Variants in SLC25A25 observed in about 807,000 individuals in gnomAD.
SLC25A25 encodes solute carrier family 25 member 25.
Under a neutral mutation model 57.7 loss-of-function variants are expected in SLC25A25, and 32 were observed. The observed-to-expected ratio is 0.55, with a 90% CI of 0.42 to 0.74. SLC25A25 has a LOEUF of 0.74. SLC25A25 is among the 30% of genes least tolerant of loss of function. The probability of loss-of-function intolerance (pLI) is 0.00; values close to 1 mark genes in which losing one functional copy is unlikely to be tolerated. For missense variants in SLC25A25, 556 were observed against 701.3 expected, an observed-to-expected ratio of 0.79 and a Z score of 2.34; for synonymous variants, 306 against 291.2, an observed-to-expected ratio of 1.05 and a Z score of -0.52.
At chr9:128,105,672 G>A (rs1833995267) in intron 6 of SLC25A25, 57 bp from the exon 7 acceptor site, 15 of 1,610,734 alleles carry the variant, frequency 9.3e-6, no homozygotes, top group African/African-American at 2.7e-5. Flanking sequence ...GCTCTTGGCC[G>A]GGTGAGGCAG....
chr9:128,106,316 G>C (rs1834032636), intron 8 of SLC25A25, 37 bp from the exon 9 acceptor site: 1 of 1,613,934 alleles, frequency 6.2e-7, no homozygotes, highest in Non-Finnish European at 8.5e-7. Context: ...GAGAGGCACA[G>C]GCTGTGCTCA....
chr9:128,074,799 G>A (rs1832975768), intron 1 of SLC25A25, among the ~76,000 whole-genome samples: 1 of 152,076 alleles, frequency 6.6e-6, no homozygotes, highest in Non-Finnish European at 1.5e-5. Context: ...CTAGGAGTTC[G>A]AGACAAGCCT....
intron 1 of SLC25A25, among the ~76,000 whole-genome samples, chr9:128,079,860 G>A (rs1188725287): frequency 6.6e-6 from 1 of 152,070 alleles, no homozygotes; most frequent in East Asian, 1.9e-4. Context: ...GTATGGTGGT[G>A]CACGCCTGTA....
intron 1 of SLC25A25, chr9:128,091,584 C>T (rs1356537881): frequency 1.3e-5 from 14 of 1,092,230 alleles, no homozygotes; most frequent in Admixed American, 1.0e-4. Flanking sequence ...AACGTTTGCT[C>T]ACCATCACCT....
intron 1 of SLC25A25, chr9:128,091,972 C>T: frequency 6.2e-7 from 1 of 1,613,910 alleles, no homozygotes; most frequent in Non-Finnish European, 8.5e-7. Flanking sequence ...GCACCCCAGC[C>T]CCTGCCTGGA....
intron 1 of SLC25A25, among the ~76,000 whole-genome samples, chr9:128,070,329 A>C (rs1832877549): frequency 6.7e-6 from 1 of 148,224 alleles, no homozygotes; most frequent in African/African-American, 2.5e-5. Flanking sequence ...TGATCTCCTG[A>C]CCTTGTGATC....
intron 1 of SLC25A25, chr9:128,091,887 G>A: frequency 6.2e-7 from 1 of 1,610,942 alleles, no homozygotes; most frequent in Non-Finnish European, 8.5e-7. Context: ...CAGATGCTGT[G>A]GCATTTCCTA....
At chr9:128,098,627 T>C (rs745836152) in intron 1 of SLC25A25, 14 of 1,613,954 alleles carry the variant, frequency 8.7e-6, no homozygotes, top group Middle Eastern at 1.6e-4. Flanking sequence ...GTTCCAGTAC[T>C]TTGAGTCGAA....
intron 1 of SLC25A25, among the ~76,000 whole-genome samples, chr9:128,078,641 G>A (rs1271989137): frequency 3.9e-5 from 6 of 152,186 alleles, no homozygotes; most frequent in Non-Finnish European, 7.3e-5. Context: ...AGAAGCCGTG[G>A]ATCGTCTTTC....
rs1488310743 is a variant in SLC25A25, at chr9:128,103,560, T to C, written c.625-121T>C. On this transcript the variant is annotated intron_variant, in intron 5 of 10. Transcript: ENST00000373069. The surrounding 1 kb of genome is among the most constrained non-coding windows in gnomAD (Gnocchi z 6.7). Reference sequence around the variant, plus strand: ...CCAGCCCGCTTCCCACCCAGAGTCCTTGGCCTTCTCCCTGTCCTGTGGTCC... The same window carrying C: ...CCAGCCCGCTTCCCACCCAGAGTCCCTGGCCTTCTCCCTGTCCTGTGGTCC... 2 of 1,257,256 alleles carry C rather than the reference T, an allele frequency of 1.6e-6. No individual in the cohort carries two copies. Among genetic ancestry groups the C allele is most frequent in the Non-Finnish European group, 1.1e-6 (1 of 883,510 alleles). 77.9% of individuals were successfully genotyped at this position (1,257,256 alleles called of 1,614,324 possible). A position where few individuals can be genotyped will look rare whatever the true frequency, so the allele number is the denominator to read the frequency against.
intron 8 of SLC25A25, 44 bp downstream of exon 8, chr9:128,106,301 C>T: frequency 6.2e-7 from 1 of 1,614,028 alleles, no homozygotes; most frequent in Non-Finnish European, 8.5e-7. Flanking sequence ...GGGCACAGGA[C>T]TGGGGAGAGG....
Position 128,089,858 on chromosome 9 carries a change from C to T in SLC25A25, c.262-11238C>T, listed in dbSNP as rs376098402. Among the ~76,000 whole-genome samples the T allele has an allele frequency of 1.7e-4, 26 of 152,136 alleles. 2 individuals are homozygous for T. Among genetic ancestry groups the T allele is most frequent in the African/African-American group, 5.8e-4 (24 of 41,490 alleles). On this transcript the variant is annotated intron_variant, in intron 1 of 10. Coordinates refer to ENST00000373069, the MANE Select transcript of SLC25A25 (RefSeq NM_001330988.2). ...CCACATTGTCCAGGCTGGTCTCAGA[C>T]TCGTCGGCTCAGGCAGTTGGCCCAC... is the stretch of plus-strand genomic sequence containing the variant.
chr9:128,091,772 C>T (rs1833412732), intron 1 of SLC25A25: 2 of 1,494,862 alleles, frequency 1.3e-6, no homozygotes, highest in Non-Finnish European at 1.8e-6. Flanking sequence ...AACCCCAGGC[C>T]CGTCCTCCCA....
Position 128,083,676 on chromosome 9 carries a change from A to ATTTTTT in SLC25A25, c.261+15106_261+15111dup, listed in dbSNP as rs11367855. ...AGGCACCCAACACCACGCCCAGCGA[A>ATTTTTT]TTTTTTTTTTTTTTTGTATTTTTAG... On this transcript the variant is annotated intron_variant, in intron 1 of 10. Coordinates refer to ENST00000373069, the MANE Select transcript of SLC25A25 (RefSeq NM_001330988.2). Among the ~76,000 whole-genome samples, 21 of 143,228 alleles carry ATTTTTT rather than the reference A, an allele frequency of 1.5e-4. 1 individual carries two copies. The highest frequency in any genetic ancestry group is 4.9e-4 in the Admixed American group (7 of 14,370). 94.0% of individuals were successfully genotyped at this position (143,228 alleles called of 152,430 possible).
chr9:128,105,692 C>T, intron 6 of SLC25A25, 37 bp from the exon 7 acceptor site: 6 of 1,611,500 alleles, frequency 3.7e-6, no homozygotes, highest in South Asian at 1.1e-5. Context: ...GCCTGTGGCC[C>T]CCCGGGTCCG....
intron 1 of SLC25A25, among the ~76,000 whole-genome samples, chr9:128,079,704 C>T (rs1470750287): frequency 7.0e-6 from 1 of 143,726 alleles, no homozygotes; most frequent in African/African-American, 2.6e-5. Context: ...TTAAAAAACC[C>T]AGGAGGGGCC....
intron 1 of SLC25A25, among the ~76,000 whole-genome samples, chr9:128,076,452 TTTTA>T (rs1833014057): frequency 1.4e-5 from 2 of 142,082 alleles, no homozygotes; most frequent in Admixed American, 1.4e-4. Context: ...TTATTTTTAT[TTTTA>T]TTTTTATTTT....
At position 128,106,209 on chromosome 9, in the gene SLC25A25, A is replaced by G. The variant is rs1049087879; in HGVS notation, c.996A>G (p.Ala332=). The change falls in exon 8 of 11, where the codon GCA becomes GCG. Residue 332 remains alanine (A), a synonymous_variant. Coordinates refer to ENST00000373069, the MANE Select transcript of SLC25A25 (RefSeq NM_001330988.2). ...ETLRIHERLV[A]GSLAGAIAQS... ...TGAGGATTCACGAGAGGCTTGTGGCAGGGTCCTTGGCAGGGGCCATCGCCC... is the reference window on the plus strand; with the variant it reads ...TGAGGATTCACGAGAGGCTTGTGGCGGGGTCCTTGGCAGGGGCCATCGCCC... 1 of 1,614,046 alleles carries G rather than the reference A, an allele frequency of 6.2e-7. No homozygotes were observed. The highest frequency in any genetic ancestry group is 8.5e-7 in the Non-Finnish European group (1 of 1,180,022).
At chr9:128,074,206 AC>A (rs1280310767) in intron 1 of SLC25A25, among the ~76,000 whole-genome samples, 2 of 150,904 alleles carry the variant, frequency 1.3e-5, no homozygotes, top group East Asian at 2.0e-4. Flanking sequence ...CGTCAGGCTA[AC>A]TTTTTTGTAT....
Sources: gnomAD v4.1 joint callset for allele counts (sites outside exome capture counted in the v4.1 genomes callset) on GRCh38, gnomAD v4.1.1 for gene constraint, Gnocchi (gnomAD v3.1) non-coding constraint, MANE v1.5 for transcripts, NCBI Gene and HGNC (gene_info 2026-07-23, HGNC 2026-07-21) for gene names.